DNAH9: variants seen among roughly 807,000 people sequenced by gnomAD.
The protein encoded by DNAH9 is dynein axonemal heavy chain 9.
DNAH9 carries 345 observed loss-of-function variants against 471.6 expected under a neutral mutation model. The observed-to-expected ratio is 0.73, with a 90% CI of 0.67 to 0.80. The LOEUF is 0.80. Ranked by LOEUF, DNAH9 falls within the 30% of genes least tolerant of loss-of-function variation. The pLI is 0.00. For synonymous variants in DNAH9, 2,093 were observed against 2,123.6 expected (o/e 0.99, Z 0.40); for missense variants, 5,407 against 5,609.2 (o/e 0.96, Z 1.15).
intron 45 of DNAH9, among the ~76,000 whole-genome samples, chr17:11,817,401 G>T (rs1970137575): frequency 6.6e-6 from 1 of 152,150 alleles, no homozygotes; most frequent in Admixed American, 6.5e-5. Context: ...AGTGGCCCAG[G>T]TGCTTTCAAC....
rs117304777 is a variant in DNAH9, at chr17:11,935,995, G to C, written c.12490-1357G>C. On this transcript the variant is annotated intron_variant, in intron 65 of 68. Transcript: ENST00000262442. ...TCCCCTAGTGTCCATGGGATAATTC[G>C]ACAGGAGGCTGGAGCAAGTAACAGG... Among the ~76,000 whole-genome samples, 64 of 152,268 alleles carry C rather than the reference G, an allele frequency of 4.2e-4. 1 individual carries two copies. The East Asian group carries it at 0.012, about 28-fold the overall frequency.
At chr17:11,782,180 T>C (rs1968697656) in intron 39 of DNAH9, among the ~76,000 whole-genome samples, 4 of 152,182 alleles carry the variant, frequency 2.6e-5, no homozygotes, top group Admixed American at 2.6e-4. Flanking sequence ...ATGGAACTGT[T>C]TGCAATCTCC....
At chr17:11,851,711 A>C (rs572541823) in intron 49 of DNAH9, among the ~76,000 whole-genome samples, 200 of 152,198 alleles carry the variant, frequency 1.3e-3, no homozygotes, top group South Asian at 5.4e-3. Flanking sequence ...ATGGGATTCC[A>C]CTCATCATAC....
chr17:11,814,108 A>G (rs1264358376), intron 45 of DNAH9, among the ~76,000 whole-genome samples: 1 of 152,212 alleles, frequency 6.6e-6, no homozygotes, highest in Non-Finnish European at 1.5e-5. Flanking sequence ...ACCTGCTATA[A>G]TAATTCCTGA....
At position 11,768,371 on chromosome 17, in the gene DNAH9, C is replaced by T. The variant is rs1968055736; in HGVS notation, c.7171-82C>T. 3 of 1,426,302 alleles carry T rather than the reference C, an allele frequency of 2.1e-6. No individual in the cohort carries two copies. In the East Asian group the frequency reaches 6.9e-5, roughly 33 times the overall value. The allele number at this position is 1,426,302 out of a possible 1,614,324, so 88.4% of individuals were successfully genotyped here. A position where few individuals can be genotyped will look rare whatever the true frequency, so the allele number is the denominator to read the frequency against. On this transcript the variant is annotated intron_variant, in intron 36 of 68. Coordinates refer to ENST00000262442, the MANE Select transcript of DNAH9 (RefSeq NM_001372.4). ...GAGGAGCACGTTGTCCTGCCCTGACCTTCTATCTGACGCCGTGGCCTCCTG... is the reference window on the plus strand; with the variant it reads ...GAGGAGCACGTTGTCCTGCCCTGACTTTCTATCTGACGCCGTGGCCTCCTG...
intron 63 of DNAH9, 103 bp from the exon 64 acceptor site, chr17:11,931,911 A>G (rs1974523715): frequency 7.5e-7 from 1 of 1,337,230 alleles, no homozygotes; most frequent in Non-Finnish European, 1.0e-6. Flanking sequence ...ACCAGAATAT[A>G]TGGTAATGTT....
In DNAH9 at chr17:11,930,162, G is replaced by A. The variant is rs537764547; in HGVS notation, c.12105+69G>A. 4.0e-4 allele frequency: 542 copies of A among 1,351,050 alleles called. 5 individuals carry two copies. The highest frequency in any genetic ancestry group is 7.5e-5 in the Non-Finnish European group (72 of 963,432). The allele number at this position is 1,351,050 out of a possible 1,614,324, so 83.7% of individuals were successfully genotyped here. A position where few individuals can be genotyped will look rare whatever the true frequency, so the allele number is the denominator to read the frequency against. On this transcript the variant is annotated intron_variant, in intron 63 of 68. Coordinates refer to ENST00000262442, the MANE Select transcript of DNAH9 (RefSeq NM_001372.4). Reference sequence around the variant, plus strand: ...GTCAGCTGATGCAAACTGGTGGGGGGAGAGCATGCAACTCAGAAGGGAGTC... The same window carrying A: ...GTCAGCTGATGCAAACTGGTGGGGGAAGAGCATGCAACTCAGAAGGGAGTC...
intron 27 of DNAH9, among the ~76,000 whole-genome samples, chr17:11,720,073 A>G (rs182879912): frequency 7.9e-5 from 12 of 152,260 alleles, no homozygotes; most frequent in Non-Finnish European, 1.3e-4. Flanking sequence ...TCAGGCACGT[A>G]CAATTTTTTA....
rs1243459995 is a variant in DNAH9, at chr17:11,905,723, C to T, written c.11663C>T (p.Thr3888Ile). Residue 3888 changes from threonine (T) to isoleucine (I), a missense_variant, in exon 61 of 69, where the codon ACC (threonine) becomes ATC (isoleucine). Around this residue, in one of 3 missense-constraint regions of DNAH9, gnomAD observed 4,636 missense variants for 4,900.3 expected, o/e 0.95. Transcript: ENST00000262442. ...YVVGRALDFATSFEESGPATP... is the reference protein window; with the variant it reads ...YVVGRALDFAISFEESGPATP... ...GTGGGAAGAGCCCTAGATTTTGCAA[C>T]CTCATTTGAAGAATCGGGACCAGCC... is the stretch of plus-strand genomic sequence containing the variant. 2 of 1,613,984 alleles carry T rather than the reference C, an allele frequency of 1.2e-6. No homozygotes were observed. The highest frequency in any genetic ancestry group is 1.7e-6 in the Non-Finnish European group (2 of 1,180,028).
At chr17:11,638,578 G>A in intron 9 of DNAH9, among the ~76,000 whole-genome samples, 1 of 152,030 alleles carries the variant, frequency 6.6e-6, no homozygotes, top group East Asian at 1.9e-4. Context: ...GTAGAGTCAG[G>A]GTTTCACCAT....
rs565683793 is a variant in DNAH9, at chr17:11,822,939, T to C, written c.9151T>C (p.Tyr3051His). ...GTCCTTTCTGGAGTTCATCAGACTC[T>C]ACCAGAGCTTGTTGCACAGGCACAG... ...PKSFLEFIRLYQSLLHRHRKE... is the reference protein window; with the variant it reads ...PKSFLEFIRLHQSLLHRHRKE... Residue 3051 changes from tyrosine (Y) to histidine (H), a missense_variant, in exon 48 of 69, where the codon TAC becomes CAC. Physicochemically the swap from Tyr to His is moderately conservative, Grantham distance 83. Around this residue, in one of 3 missense-constraint regions of DNAH9, gnomAD observed 4,636 missense variants for 4,900.3 expected, o/e 0.95. Transcript: ENST00000262442. The C allele has an allele frequency of 6.2e-7, 1 of 1,614,196 alleles. No homozygotes were observed. Among genetic ancestry groups the C allele is most frequent in the South Asian group, 1.1e-5 (1 of 91,086 alleles).
chr17:11,623,266 G>A lies in DNAH9; in HGVS notation c.1350+3485G>A, dbSNP rs1314384173. 2.0e-5 allele frequency among the ~76,000 whole-genome samples: 3 copies of A among 151,974 alleles called. No individual in the cohort carries two copies. Among genetic ancestry groups the A allele is most frequent in the Non-Finnish European group, 4.4e-5 (3 of 67,978 alleles). On this transcript the variant is annotated intron_variant, in intron 6 of 68. Transcript: ENST00000262442. This position sits in a 1 kb window ranked among gnomAD's most constrained non-coding sequence, Gnocchi z 4.1. ...TGGGATTACAGGTGTGAGCCACCGTGCCCGGCCAGCATTTCTTTTCTTGAC... is the reference window on the plus strand; with the variant it reads ...TGGGATTACAGGTGTGAGCCACCGTACCCGGCCAGCATTTCTTTTCTTGAC...
intron 48 of DNAH9, among the ~76,000 whole-genome samples, chr17:11,830,313 G>C (rs142647942): frequency 2.6e-4 from 39 of 152,254 alleles, no homozygotes; most frequent in East Asian, 7.7e-4. Flanking sequence ...CTCAGGTGTA[G>C]TCATGAGGAA....
At position 11,744,971 on chromosome 17, in the gene DNAH9, G is replaced by A. The variant is rs1429819504; in HGVS notation, c.6286G>A (p.Asp2096Asn). Residue 2096 changes from aspartate (D) to asparagine (N), a missense_variant, in exon 31 of 69, where the codon GAC becomes AAC. Asp to Asn is a conservative substitution (Grantham distance 23, BLOSUM62 1). Transcript: ENST00000262442. Reference sequence around the variant, plus strand: ...GCCCATCTTCATGGGCCTGATCGGGGACCTCTTTCCCGCCCTGGATGTCCC... The same window carrying A: ...GCCCATCTTCATGGGCCTGATCGGGAACCTCTTTCCCGCCCTGGATGTCCC... ...DMPIFMGLIG[D>N]LFPALDVPRR... The A allele has an allele frequency of 6.2e-7, 1 of 1,614,150 alleles. No individual in the cohort carries two copies. Among genetic ancestry groups the A allele is most frequent in the Admixed American group, 1.7e-5 (1 of 60,016 alleles).
At chr17:11,659,928 T>G (rs1221195993) in intron 14 of DNAH9, among the ~76,000 whole-genome samples, 1 of 152,218 alleles carries the variant, frequency 6.6e-6, no homozygotes, top group Non-Finnish European at 1.5e-5. Flanking sequence ...CAACATTATG[T>G]GTCTATGGGA....
chr17:11,727,929 G>A lies in DNAH9; in HGVS notation c.5814+7G>A. 10 of 1,595,958 alleles carry A rather than the reference G, an allele frequency of 6.3e-6. No individual in the cohort carries two copies. Among genetic ancestry groups the A allele is most frequent in the Non-Finnish European group, 8.6e-6 (10 of 1,163,536 alleles). On this transcript the variant is annotated splice_region_variant and intron_variant, in intron 28 of 68. Coordinates refer to ENST00000262442, the MANE Select transcript of DNAH9 (RefSeq NM_001372.4). The stretch of plus-strand genomic sequence containing the variant: ...GTCAGTGGTGGCAGTGCAGGTAAGG[G>A]CCAGAAGTTGGTGGGAGCCTTGTGG...
intron 10 of DNAH9, 82 bp downstream of exon 10, chr17:11,640,466 C>A: frequency 1.0e-6 from 1 of 953,486 alleles, no homozygotes; most frequent in Non-Finnish European, 1.7e-6. Context: ...GAAATGCAAC[C>A]TGCTTAACGA....
At chr17:11,828,479 A>AAAAAAT (rs759062765) in intron 48 of DNAH9, among the ~76,000 whole-genome samples, 73 of 151,958 alleles carry the variant, frequency 4.8e-4, no homozygotes, top group Non-Finnish European at 9.4e-4. Flanking sequence ...GTCTCAAAAA[A>AAAAAAT]AAAAAAAATA....
chr17:11,834,942 G>A, intron 49 of DNAH9, 44 bp downstream of exon 49: 1 of 1,592,892 alleles, frequency 6.3e-7, no homozygotes, highest in East Asian at 2.3e-5. Context: ...TCAGGGGCTG[G>A]TAGACGCAGA....
Sources: allele counts gnomAD v4.1 joint callset (sites outside exome capture counted in the v4.1 genomes callset), GRCh38; gene constraint gnomAD v4.1.1; regional missense constraint gnomAD v4.1.1; non-coding constraint Gnocchi (gnomAD v3.1); transcripts MANE v1.5; gene names NCBI Gene and HGNC (gene_info 2026-07-23, HGNC 2026-07-21).